The following LRP8 variants were observed in gnomAD, a reference collection of about 807,000 sequenced individuals.
LRP8 encodes the protein LDL receptor related protein 8.
Under a neutral mutation model 111.6 loss-of-function variants are expected in LRP8, and 46 were observed. The observed-to-expected ratio is 0.41, with a 90% CI of 0.33 to 0.53. The LOEUF (loss-of-function observed/expected upper bound fraction) is 0.53, where lower values mean the gene tolerates loss of function less well. Among genes scored for constraint, LRP8 ranks in the 20% least tolerant of loss-of-function variants. The pLI is 0.20. For synonymous variants in LRP8, 464 were observed against 511.2 expected (o/e 0.91, Z 1.24); for missense variants, 959 against 1,297.4 (o/e 0.74, Z 4.01).
At chr1:53,319,843 A>C (rs1350097456) in intron 2 of LRP8, among the ~76,000 whole-genome samples, 1 of 152,248 alleles carries the variant, frequency 6.6e-6, no homozygotes, top group African/African-American at 2.4e-5. Context: ...ACCCACTAGC[A>C]GGTGCTGGCA....
chr1:53,286,655 A>C (rs377094439), intron 3 of LRP8, among the ~76,000 whole-genome samples: 246 of 152,380 alleles, frequency 1.6e-3, no homozygotes, highest in African/African-American at 5.8e-3. Context: ...ACAGAACCAG[A>C]GGGAAACAGA....
At chr1:53,288,966 C>T (rs1648118806) in intron 3 of LRP8, among the ~76,000 whole-genome samples, 1 of 152,130 alleles carries the variant, frequency 6.6e-6, no homozygotes, top group Non-Finnish European at 1.5e-5. Flanking sequence ...CCTCCCCCTG[C>T]CTGCCTCTGC....
intron 18 of LRP8, among the ~76,000 whole-genome samples, chr1:53,247,613 C>T (rs957251727): frequency 6.6e-6 from 1 of 152,212 alleles, no homozygotes; most frequent in Admixed American, 6.5e-5. Context: ...TGCTAGACTC[C>T]TGTCTGCCAA....
At position 53,259,063 on chromosome 1, in the gene LRP8, G is replaced by A. The variant is rs569816553; in HGVS notation, c.2057-592C>T. On this transcript the variant is annotated intron_variant, in intron 13 of 18. Coordinates refer to ENST00000306052, the MANE Select transcript of LRP8 (RefSeq NM_004631.5). ...CACTCATTAGTTGATGGACACTTAG[G>A]TTGGTTCCACATCTCTGCAATTGTG... Among the ~76,000 whole-genome samples the A allele has an allele frequency of 2.0e-5, 3 of 152,220 alleles. No individual in the cohort carries two copies. In the South Asian group the frequency reaches 6.2e-4, roughly 32 times the overall value.
Position 53,327,777 on chromosome 1 carries a change from G to C in LRP8, c.124+12C>G. 1 of 1,508,050 alleles carries C rather than the reference G, an allele frequency of 6.6e-7. No individual in the cohort carries two copies. The allele number at this position is 1,508,050 out of a possible 1,614,324, so 93.4% of individuals were successfully genotyped here. ...GCGGAGCAGAGCCGAGTCAGAGACC[G>C]GCTGCACGCACCTTGGCCGCCGAGC... is the stretch of plus-strand genomic sequence containing the variant. On this transcript the variant is annotated intron_variant, in intron 1 of 18. Coordinates refer to ENST00000306052, the MANE Select transcript of LRP8 (RefSeq NM_004631.5).
intron 2 of LRP8, 55 bp downstream of exon 2, chr1:53,326,817 GC>G: frequency 3.2e-6 from 5 of 1,571,972 alleles, no homozygotes; most frequent in Non-Finnish European, 2.6e-6. Context: ...CAAGCATGGT[GC>G]CCCCCACCGT....
chr1:53,256,865 G>T (rs566957187), intron 15 of LRP8, among the ~76,000 whole-genome samples: 44 of 152,308 alleles, frequency 2.9e-4, no homozygotes, highest in Non-Finnish European at 5.4e-4. Flanking sequence ...AGAACTTTGT[G>T]AAACATAGAC....
At chr1:53,268,017 A>G (rs1646638822) in intron 8 of LRP8, 1 of 152,440 alleles carries the variant, frequency 6.6e-6, no homozygotes, top group Non-Finnish European at 1.5e-5. Flanking sequence ...AGAGTCAGGT[A>G]GGGCCTGGGG....
At chr1:53,280,014 C>G (rs140814621) in intron 4 of LRP8, among the ~76,000 whole-genome samples, 1 of 152,388 alleles carries the variant, frequency 6.6e-6, no homozygotes, top group East Asian at 1.9e-4. Context: ...CCAGTGACCA[C>G]TTCCATCTGT....
Position 53,310,084 on chromosome 1 carries a change from A to G in LRP8, c.244+16789T>C, listed in dbSNP as rs141889700. ...GGAGCATACCCACACCCTGGCCTTC[A>G]GGGGGACAGGAAGGGCTCTGGGCCC... On this transcript the variant is annotated intron_variant, in intron 2 of 18. Transcript: ENST00000306052. 2.2e-3 allele frequency among the ~76,000 whole-genome samples: 338 copies of G among 152,192 alleles called. 1 individual carries two copies. The highest frequency in any genetic ancestry group is 8.0e-3 in the African/African-American group (331 of 41,520).
At chr1:53,291,160 C>G (rs1230854576) in intron 2 of LRP8, among the ~76,000 whole-genome samples, 8 of 152,148 alleles carry the variant, frequency 5.3e-5, no homozygotes, top group Non-Finnish European at 1.0e-4. Flanking sequence ...AGAGGGTGAT[C>G]TGGTGAGAGA....
intron 3 of LRP8, among the ~76,000 whole-genome samples, chr1:53,286,080 T>C (rs1273394247): frequency 6.6e-6 from 1 of 152,200 alleles, no homozygotes; most frequent in East Asian, 1.9e-4. Flanking sequence ...GGCTGCCCAT[T>C]GAGGGAACGC....
rs1645744645 is a variant in LRP8 at position 53,246,956 on chromosome 1, A to C, written c.*62T>G. 1.2e-5 allele frequency: 18 copies of C among 1,442,820 alleles called. No individual in the cohort carries two copies. Among genetic ancestry groups the C allele is most frequent in the Admixed American group, 1.8e-5 (1 of 56,618 alleles). The allele number at this position is 1,442,820 out of a possible 1,614,324, so 89.4% of individuals were successfully genotyped here. A position where few individuals can be genotyped will look rare whatever the true frequency, so the allele number is the denominator to read the frequency against. ...TAGAAACCCATTCATCCAGTCATAC[A>C]CCATCCAGAGTGTAGTGCATGGGAC... On this transcript the variant is annotated 3_prime_UTR_variant, in exon 19 of 19. Coordinates refer to ENST00000306052, the MANE Select transcript of LRP8 (RefSeq NM_004631.5).
intron 16 of LRP8, among the ~76,000 whole-genome samples, chr1:53,254,698 A>G (rs752488334): frequency 2.6e-5 from 4 of 152,210 alleles, no homozygotes; most frequent in African/African-American, 9.6e-5. Flanking sequence ...ACAGAAAGAA[A>G]ACAAGACAGT....
At chr1:53,302,086 G>A (rs1436819392) in intron 2 of LRP8, among the ~76,000 whole-genome samples, 1 of 152,150 alleles carries the variant, frequency 6.6e-6, no homozygotes, top group Non-Finnish European at 1.5e-5. Context: ...CAGGCCTGGG[G>A]AGGGCTCACT....
At chr1:53,322,460 G>A (rs149429263) in intron 2 of LRP8, among the ~76,000 whole-genome samples, 2 of 152,288 alleles carry the variant, frequency 1.3e-5, no homozygotes, top group African/African-American at 4.8e-5. Context: ...CACACACAAA[G>A]GCCTGGAGGT....
intron 2 of LRP8, among the ~76,000 whole-genome samples, chr1:53,300,151 T>C (rs1650527848): frequency 6.6e-6 from 1 of 152,234 alleles, no homozygotes; most frequent in South Asian, 2.1e-4. Flanking sequence ...CCTGCCCTGC[T>C]ACTGCTCTGG....
In LRP8 at chr1:53,262,413, A is replaced by C. The variant is rs750304529; in HGVS notation, c.1774+33T>G. 1.3e-6 allele frequency: 2 copies of C among 1,599,756 alleles called. No homozygotes were observed. The highest frequency in any genetic ancestry group is 4.5e-5 in the East Asian group (2 of 44,818). ...ACAGTGATCAGGACAAGGCACTAGA[A>C]TAGGCCCCCAACCCAGGAAAGGCAG... On this transcript the variant is annotated intron_variant, in intron 11 of 18. Coordinates refer to ENST00000306052, the MANE Select transcript of LRP8 (RefSeq NM_004631.5). This position sits in a 1 kb window ranked among gnomAD's most constrained non-coding sequence, Gnocchi z 4.8.
chr1:53,327,161 T>C, intron 1 of LRP8, 169 bp from the exon 2 acceptor site: 1 of 911,742 alleles, frequency 1.1e-6, no homozygotes, highest in Non-Finnish European at 1.6e-6. Flanking sequence ...ATGGCAGGGG[T>C]TCCGTGGATG....
Sources: allele counts gnomAD v4.1 joint callset (sites outside exome capture counted in the v4.1 genomes callset), GRCh38; gene constraint gnomAD v4.1.1; non-coding constraint Gnocchi (gnomAD v3.1); transcripts MANE v1.5; gene names NCBI Gene and HGNC (gene_info 2026-07-23, HGNC 2026-07-21).